Variants in SOX5 observed in about 807,000 individuals in gnomAD.
The protein encoded by SOX5 is SRY-box transcription factor 5.
Under a neutral mutation model 92.0 loss-of-function variants are expected in SOX5, and 9 were observed. That is an observed-to-expected ratio of 0.10 (90% confidence interval 0.06 to 0.17). SOX5 has a LOEUF of 0.17. Ranked by LOEUF, SOX5 falls within the 10% of genes least tolerant of loss-of-function variation. The probability of loss-of-function intolerance (pLI) is 1.00; values close to 1 mark genes in which losing one functional copy is unlikely to be tolerated. For synonymous variants in SOX5, 344 were observed against 336.3 expected, an observed-to-expected ratio of 1.02 and a Z score of -0.25; for missense variants, 642 against 944.5, an observed-to-expected ratio of 0.68 and a Z score of 4.20.
chr12:23,939,161 A>ACTTG (rs1430203247), intron 1 of SOX5, among the ~76,000 whole-genome samples: 1 of 151,112 alleles, frequency 6.6e-6, no homozygotes, highest in African/African-American at 2.4e-5. Context: ...AGTGACTTAT[A>ACTTG]CATCACAAAG....
At chr12:23,787,803 ATAAGGG>A (rs2095407352) in intron 3 of SOX5, among the ~76,000 whole-genome samples, 1 of 151,942 alleles carries the variant, frequency 6.6e-6, no homozygotes, top group Non-Finnish European at 1.5e-5. Flanking sequence ...GTAAAGTAAA[ATAAGGG>A]TTATAAAATT....
chr12:23,949,727 CCTCCCTCTCT>C, upstream of SOX5: 2 of 1,195,416 alleles, frequency 1.7e-6, no homozygotes, highest in South Asian at 1.3e-5. Context: ...CCCCTCCCTC[CCTCCCTCTCT>C]CTCTCTCTCT....
intron 2 of SOX5, among the ~76,000 whole-genome samples, chr12:24,323,844 G>C (rs1950431535): frequency 6.6e-6 from 1 of 152,062 alleles, no homozygotes; most frequent in Non-Finnish European, 1.5e-5. Context: ...TTATATTTCA[G>C]ATGGAGGAAG....
intron 2 of SOX5, among the ~76,000 whole-genome samples, chr12:23,871,187 T>A (rs1173164183): frequency 6.6e-6 from 1 of 152,202 alleles, no homozygotes; most frequent in Non-Finnish European, 1.5e-5. Flanking sequence ...TTACAAATAA[T>A]CAAGTTTTCT....
intron 3 of SOX5, among the ~76,000 whole-genome samples, chr12:24,263,544 A>AAAAAAAAAAAAAAAAAAAAG (rs1565781795): frequency 6.7e-6 from 1 of 149,518 alleles, no homozygotes; most frequent in Non-Finnish European, 1.5e-5. Context: ...AAAAAAACAA[A>AAAAAAAAAAAAAAAAAAAAG]AAAAAAAACA....
intron 4 of SOX5, among the ~76,000 whole-genome samples, chr12:24,101,284 A>G (rs113163910): frequency 3.3e-5 from 5 of 152,274 alleles, no homozygotes; most frequent in African/African-American, 1.2e-4. Context: ...GAACATGGCA[A>G]CACTATGATC....
intron 2 of SOX5, among the ~76,000 whole-genome samples, chr12:24,333,343 TA>T (rs1951539729): frequency 6.6e-6 from 1 of 152,122 alleles, no homozygotes; most frequent in Admixed American, 6.5e-5. Context: ...TAAAACAGAT[TA>T]AAACAGTAAG....
intron 4 of SOX5, among the ~76,000 whole-genome samples, chr12:23,993,377 C>A (rs1237958565): frequency 1.3e-5 from 2 of 152,090 alleles, no homozygotes; most frequent in Non-Finnish European, 2.9e-5. Context: ...TTGGTATATA[C>A]CTTTCATCTA....
intron 4 of SOX5, among the ~76,000 whole-genome samples, chr12:24,060,645 C>T (rs748992006): frequency 2.0e-5 from 3 of 152,148 alleles, no homozygotes; most frequent in Non-Finnish European, 4.4e-5. Flanking sequence ...AGGACCATAC[C>T]CTAGCCAAAG....
At chr12:24,217,651 G>A (rs1959318595) in intron 3 of SOX5, among the ~76,000 whole-genome samples, 1 of 152,092 alleles carries the variant, frequency 6.6e-6, no homozygotes, top group African/African-American at 2.4e-5. Context: ...AATTGGACAT[G>A]AAAATTAAAA....
At chr12:24,478,844 A>G (rs1193206031) in intron 1 of SOX5, among the ~76,000 whole-genome samples, 1 of 152,210 alleles carries the variant, frequency 6.6e-6, no homozygotes, top group African/African-American at 2.4e-5. Flanking sequence ...TTCTACTTAT[A>G]TATGCCAAAT....
chr12:24,548,431 T>A (rs1405817385), intron 1 of SOX5, among the ~76,000 whole-genome samples: 2 of 152,170 alleles, frequency 1.3e-5, no homozygotes, highest in African/African-American at 2.4e-5. Flanking sequence ...TTTTAGAATA[T>A]CTGTACGAGG....
At chr12:24,500,191 AG>A (rs2138115428) in intron 1 of SOX5, among the ~76,000 whole-genome samples, 1 of 152,330 alleles carries the variant, frequency 6.6e-6, no homozygotes, top group South Asian at 2.1e-4. Flanking sequence ...ATCTCTGACT[AG>A]GAAGTCATAT....
intron 1 of SOX5, among the ~76,000 whole-genome samples, chr12:23,915,262 T>C (rs542250144): frequency 1.3e-5 from 2 of 152,274 alleles, no homozygotes; most frequent in African/African-American, 4.8e-5. Flanking sequence ...TTCTTTGAAA[T>C]TGAATTGAAT....
At chr12:24,453,250 T>C (rs550333805) in intron 1 of SOX5, among the ~76,000 whole-genome samples, 28 of 152,172 alleles carry the variant, frequency 1.8e-4, no homozygotes, top group African/African-American at 6.7e-4. Flanking sequence ...CAAAGTTAAA[T>C]GCTAGAATTT....
intron 8 of SOX5, among the ~76,000 whole-genome samples, chr12:23,631,546 A>G (rs1452457210): frequency 3.9e-5 from 6 of 152,052 alleles, no homozygotes; most frequent in Non-Finnish European, 8.8e-5. Context: ...TCTTTTATGT[A>G]TGTTTATTAG....
At chr12:24,088,363 AT>A (rs1338044264) in intron 4 of SOX5, among the ~76,000 whole-genome samples, 2 of 151,982 alleles carry the variant, frequency 1.3e-5, no homozygotes, top group Non-Finnish European at 2.9e-5. Context: ...AAAGTTTTTC[AT>A]TTTAATAAGA....
chr12:23,712,835 C>T (rs191299368), intron 6 of SOX5, among the ~76,000 whole-genome samples: 1 of 152,336 alleles, frequency 6.6e-6, no homozygotes, highest in East Asian at 1.9e-4. Flanking sequence ...AAGCCATACA[C>T]TCATCCTTCT....
At chr12:23,790,548 T>TCTCTCTCTCACACA (rs1340837266) in intron 3 of SOX5, among the ~76,000 whole-genome samples, 1 of 137,322 alleles carries the variant, frequency 7.3e-6, no homozygotes. Flanking sequence ...TCTCAATCTC[T>TCTCTCTCTCACACA]CACACACACA....
Sources: gnomAD v4.1 joint callset for allele counts (sites outside exome capture counted in the v4.1 genomes callset) on GRCh38, gnomAD v4.1.1 for gene constraint, MANE v1.5 for transcripts, NCBI Gene and HGNC (gene_info 2026-07-23, HGNC 2026-07-21) for gene names.